Variants in STXBP5L observed in about 807,000 individuals in gnomAD.
The protein encoded by STXBP5L is syntaxin binding protein 5L, also known as syntaxin-binding protein 5-like.
In STXBP5L, 65 loss-of-function variants were observed where a neutral mutation model predicts 144.5. That is an observed-to-expected ratio of 0.45 (90% CI 0.37 to 0.55). The LOEUF (loss-of-function observed/expected upper bound fraction) is 0.55. Among genes scored for constraint, STXBP5L ranks in the 20% least tolerant of loss-of-function variants. The pLI is 0.00. For synonymous variants in STXBP5L, 505 were observed against 469.6 expected, an observed-to-expected ratio of 1.08 and a Z score of -0.97; for missense variants, 1,298 against 1,405.5, an observed-to-expected ratio of 0.92 and a Z score of 1.22.
At chr3:120,944,056 A>G (rs888113160) in intron 2 of STXBP5L, among the ~76,000 whole-genome samples, 7 of 151,578 alleles carry the variant, frequency 4.6e-5, no homozygotes, top group Non-Finnish European at 8.9e-5. Flanking sequence ...GAACAAAAAC[A>G]TTTGTGTGGC....
At chr3:121,341,663 A>T (rs1257521751) in intron 20 of STXBP5L, among the ~76,000 whole-genome samples, 1 of 152,198 alleles carries the variant, frequency 6.6e-6, no homozygotes, top group Non-Finnish European at 1.5e-5. Context: ...GTAGATATAC[A>T]CAATGGAGTA....
At chr3:121,212,972 A>G (rs1438665823) in intron 10 of STXBP5L, among the ~76,000 whole-genome samples, 2 of 152,098 alleles carry the variant, frequency 1.3e-5, no homozygotes, top group Non-Finnish European at 2.9e-5. Context: ...TTCTCTTTGT[A>G]GCAATTGTGA....
chr3:121,375,216 TAA>T (rs2046148040), intron 20 of STXBP5L, among the ~76,000 whole-genome samples: 1 of 152,190 alleles, frequency 6.6e-6, no homozygotes, highest in South Asian at 2.1e-4. Flanking sequence ...GAAAAGTTCC[TAA>T]GTCTTGGAAC....
At chr3:121,213,791 C>A (rs1396609271) in intron 10 of STXBP5L, among the ~76,000 whole-genome samples, 1 of 152,118 alleles carries the variant, frequency 6.6e-6, no homozygotes, top group South Asian at 2.1e-4. Flanking sequence ...AGGAATGGTA[C>A]CAACTCCTCT....
intron 2 of STXBP5L, among the ~76,000 whole-genome samples, chr3:120,934,646 T>A (rs532308822): frequency 1.3e-5 from 2 of 152,204 alleles, no homozygotes; most frequent in African/African-American, 4.8e-5. Flanking sequence ...CTTCTATTAG[T>A]TTTTGCTTTA....
Position 121,255,108 on chromosome 3 carries a change from T to C in STXBP5L, c.1655T>C (p.Ile552Thr). ...KFSRHEITTE[I>T]VSLEVRLQYD... ...AGCAGACATGAAATTACAACAGAAA[T>C]AGTGGTAAGTTATTTAAAATTTAAC... The change falls in exon 16 of 27, where the codon ATA (isoleucine) becomes ACA (threonine). Residue 552 changes from isoleucine to threonine, a missense_variant. Transcript: ENST00000471454. 3.2e-6 allele frequency: 5 copies of C among 1,575,300 alleles called. No individual in the cohort carries two copies. The highest frequency in any genetic ancestry group is 4.3e-6 in the Non-Finnish European group (5 of 1,162,874).
At chr3:121,365,920 G>C (rs1222440109) in intron 20 of STXBP5L, among the ~76,000 whole-genome samples, 1 of 150,882 alleles carries the variant, frequency 6.6e-6, no homozygotes, top group African/African-American at 2.4e-5. Flanking sequence ...TTCCCTCTTT[G>C]CACTGCTTTC....
intron 4 of STXBP5L, among the ~76,000 whole-genome samples, chr3:121,045,227 G>A (rs564081960): frequency 6.6e-6 from 1 of 151,992 alleles, no homozygotes; most frequent in Admixed American, 6.6e-5. Context: ...CTCCCTGACC[G>A]TTGAAATGCA....
chr3:121,153,464 A>C (rs1018261807), intron 8 of STXBP5L, among the ~76,000 whole-genome samples: 2 of 152,016 alleles, frequency 1.3e-5, no homozygotes, highest in Admixed American at 1.3e-4. Flanking sequence ...AAAAGTGCCA[A>C]ATAATTTAAA....
At chr3:121,262,871 A>G (rs1185506941) in intron 18 of STXBP5L, among the ~76,000 whole-genome samples, 1 of 152,176 alleles carries the variant, frequency 6.6e-6, no homozygotes, top group Non-Finnish European at 1.5e-5. Context: ...ACCTGGGGGA[A>G]GGGGTGGCTG....
In STXBP5L at chr3:121,420,390, A is replaced by G. The variant is rs1007852372; in HGVS notation, c.*1293A>G. On this transcript the variant is annotated 3_prime_UTR_variant, in exon 27 of 27. Transcript: ENST00000471454. Reference sequence around the variant, plus strand: ...TAAAGAGTTTAATGATACAAAATCAATGCTTTTGTCCCTAGGTCAAATAAT... The same window carrying G: ...TAAAGAGTTTAATGATACAAAATCAGTGCTTTTGTCCCTAGGTCAAATAAT... 13 of 121,142 alleles carry G rather than the reference A, an allele frequency of 1.1e-4. No individual in the cohort carries two copies. The highest frequency in any genetic ancestry group is 2.8e-4 in the African/African-American group (11 of 39,032). 7.5% of individuals were successfully genotyped at this position (121,142 alleles called of 1,614,324 possible).
chr3:121,269,074 A>G (rs903319795), intron 18 of STXBP5L, among the ~76,000 whole-genome samples: 1 of 152,144 alleles, frequency 6.6e-6, no homozygotes, highest in Non-Finnish European at 1.5e-5. Flanking sequence ...TATTAGTTAT[A>G]TAGTACCTCA....
At chr3:121,179,568 A>G (rs1235006649) in intron 9 of STXBP5L, among the ~76,000 whole-genome samples, 2 of 152,204 alleles carry the variant, frequency 1.3e-5, no homozygotes, top group Admixed American at 6.5e-5. Context: ...CTCTCCAGCA[A>G]TGGATCCAAC....
rs1040475397 is a variant in STXBP5L, at chr3:121,151,093, C to CA, written c.670-1373dup. 4.7e-3 allele frequency among the ~76,000 whole-genome samples: 638 copies of CA among 135,698 alleles called. 5 individuals carry two copies. Among genetic ancestry groups the CA allele is most frequent in the African/African-American group, 0.012 (460 of 36,822 alleles). 89.0% of individuals were successfully genotyped at this position (135,698 alleles called of 152,430 possible). Reference sequence around the variant, plus strand: ...CAGAGTAAGACTCTGTCCTCTGTCTCAAAAAAAAAAAGAAAGAAAAGAAAT... The same window carrying CA: ...CAGAGTAAGACTCTGTCCTCTGTCTCAAAAAAAAAAAAGAAAGAAAAGAAAT... On this transcript the variant is annotated intron_variant, in intron 7 of 26. Coordinates refer to ENST00000471454, the MANE Select transcript of STXBP5L (RefSeq NM_001308330.2).
chr3:120,954,097 A>T (rs1937752842), intron 2 of STXBP5L, among the ~76,000 whole-genome samples: 1 of 152,142 alleles, frequency 6.6e-6, no homozygotes, highest in African/African-American at 2.4e-5. Context: ...CTGTCCACCC[A>T]GGTATCTATA....
chr3:121,149,865 A>G (rs368512069), intron 7 of STXBP5L, among the ~76,000 whole-genome samples: 5 of 151,944 alleles, frequency 3.3e-5, no homozygotes, highest in African/African-American at 9.7e-5. Flanking sequence ...GCTTTCTGAG[A>G]TTTACTTTTT....
intron 5 of STXBP5L, among the ~76,000 whole-genome samples, chr3:121,047,840 A>G (rs1226628573): frequency 6.6e-6 from 1 of 152,136 alleles, no homozygotes; most frequent in Non-Finnish European, 1.5e-5. Flanking sequence ...CATTTAGCCA[A>G]TTTACATTCA....
intron 5 of STXBP5L, among the ~76,000 whole-genome samples, chr3:121,062,689 G>A (rs748920001): frequency 6.6e-6 from 1 of 152,138 alleles, no homozygotes; most frequent in African/African-American, 2.4e-5. Flanking sequence ...CATATTTCTT[G>A]GAGGTTTTGT....
intron 20 of STXBP5L, among the ~76,000 whole-genome samples, chr3:121,345,341 A>C (rs2044915513): frequency 6.6e-6 from 1 of 152,050 alleles, no homozygotes; most frequent in Non-Finnish European, 1.5e-5. Context: ...ACATGAACTC[A>C]TCCTTTTTAT....
Sources: allele counts gnomAD v4.1 joint callset (sites outside exome capture counted in the v4.1 genomes callset), GRCh38; gene constraint gnomAD v4.1.1; transcripts MANE v1.5; gene names NCBI Gene and HGNC (gene_info 2026-07-23, HGNC 2026-07-21).